BAZ1A: variants seen among roughly 807,000 people sequenced by gnomAD.
BAZ1A encodes the protein bromodomain adjacent to zinc finger domain 1A.
Under a neutral mutation model 185.2 loss-of-function variants are expected in BAZ1A, and 50 were observed. That is an observed-to-expected ratio of 0.27 (90% CI 0.22 to 0.34). The LOEUF (loss-of-function observed/expected upper bound fraction) is 0.34. Among genes scored for constraint, BAZ1A ranks in the 10% least tolerant of loss-of-function variants. The pLI is 1.00. For missense variants in BAZ1A, 1,356 were observed against 1,839.9 expected (o/e 0.74, Z 4.81); for synonymous variants, 571 against 615.6 (o/e 0.93, Z 1.07).
chr14:34,822,632 A>G (rs9743598), intron 4 of BAZ1A, among the ~76,000 whole-genome samples: 1 of 152,132 alleles, frequency 6.6e-6, no homozygotes, highest in Admixed American at 6.5e-5. Context: ...GAAACAAAAA[A>G]CAAAAAATAA....
chr14:34,758,668 T>C, intron 25 of BAZ1A, 36 bp downstream of exon 25: 1 of 1,598,076 alleles, frequency 6.3e-7, no homozygotes, highest in South Asian at 1.1e-5. Flanking sequence ...AATCAGATAA[T>C]ATACAGGAAT....
intron 14 of BAZ1A, among the ~76,000 whole-genome samples, chr14:34,784,300 G>A (rs564501305): frequency 4.9e-5 from 7 of 142,576 alleles, no homozygotes; most frequent in African/African-American, 1.6e-4. Context: ...CCCGGGAGGC[G>A]GAGGTTGCGT....
Position 34,783,233 on chromosome 14 carries a change from C to G in BAZ1A, c.1998-1G>C. ...TTTTTCTTCCTTCCTTTTACGAATT[C>G]TAAAAGTTAAAATGAAATATGGTAG... On this transcript the variant is annotated splice_acceptor_variant, in intron 15 of 26. Coordinates refer to ENST00000360310, the MANE Select transcript of BAZ1A (RefSeq NM_013448.3). LOFTEE classifies it high-confidence loss of function. The G allele has an allele frequency of 6.4e-7, 1 of 1,560,502 alleles. No homozygotes were observed. Among genetic ancestry groups the G allele is most frequent in the Non-Finnish European group, 8.8e-7 (1 of 1,137,144 alleles).
intron 11 of BAZ1A, among the ~76,000 whole-genome samples, chr14:34,793,398 GCACTGTTTAGACCTCCTTGATCT>G (rs2138635978): frequency 6.6e-6 from 1 of 152,288 alleles, no homozygotes; most frequent in African/African-American, 2.4e-5. Context: ...ACCTAAACCA[GCACTGTTTAGACCTCCTTGATCT>G]ATAAGACACA....
intron 14 of BAZ1A, among the ~76,000 whole-genome samples, chr14:34,785,215 A>G (rs1407490666): frequency 1.3e-5 from 2 of 152,218 alleles, no homozygotes; most frequent in Non-Finnish European, 2.9e-5. Flanking sequence ...AATTATAATC[A>G]CATGAATTAA....
intron 3 of BAZ1A, among the ~76,000 whole-genome samples, chr14:34,853,169 G>A (rs1401850729): frequency 6.6e-6 from 1 of 152,156 alleles, no homozygotes; most frequent in African/African-American, 2.4e-5. Flanking sequence ...TTTAAGAACA[G>A]ACTCAACTTC....
chr14:34,824,953 G>A (rs186060016), intron 4 of BAZ1A, among the ~76,000 whole-genome samples: 11 of 152,310 alleles, frequency 7.2e-5, no homozygotes, highest in Admixed American at 5.9e-4. Context: ...AGAGGTTGCT[G>A]AGCTAAAACA....
intron 7 of BAZ1A, among the ~76,000 whole-genome samples, chr14:34,802,180 T>C (rs1449761284): frequency 6.6e-6 from 1 of 152,198 alleles, no homozygotes; most frequent in Non-Finnish European, 1.5e-5. Context: ...TTATTTTATT[T>C]CTTCTAAGAA....
At chr14:34,785,484 A>T (rs1185192489) in intron 14 of BAZ1A, among the ~76,000 whole-genome samples, 1 of 152,198 alleles carries the variant, frequency 6.6e-6, no homozygotes, top group African/African-American at 2.4e-5. Context: ...AGCCATTTAG[A>T]TTTAAACTTC....
chr14:34,778,839 G>A (rs1879841943), intron 17 of BAZ1A, among the ~76,000 whole-genome samples: 1 of 152,076 alleles, frequency 6.6e-6, no homozygotes, highest in Admixed American at 6.6e-5. Flanking sequence ...TGGATTTGTT[G>A]TTGTTCTTTA....
At chr14:34,754,425 A>G (rs562776262) in intron 26 of BAZ1A, among the ~76,000 whole-genome samples, 11 of 150,194 alleles carry the variant, frequency 7.3e-5, no homozygotes, top group Middle Eastern at 3.4e-3. Context: ...CTCAAAAAAA[A>G]AAAAAAAGAA....
chr14:34,869,338 A>T (rs771536684), intron 2 of BAZ1A, among the ~76,000 whole-genome samples: 14 of 152,220 alleles, frequency 9.2e-5, no homozygotes, highest in Non-Finnish European at 2.1e-4. Flanking sequence ...GTGCAGAGAG[A>T]TCCTAGAAGA....
At chr14:34,868,341 G>C (rs1317152949) in intron 2 of BAZ1A, among the ~76,000 whole-genome samples, 1 of 152,178 alleles carries the variant, frequency 6.6e-6, no homozygotes, top group Non-Finnish European at 1.5e-5. Flanking sequence ...ATAAGGAAAA[G>C]TTGCTGAGTT....
At chr14:34,824,439 T>C (rs976041589) in intron 4 of BAZ1A, among the ~76,000 whole-genome samples, 3 of 110,466 alleles carry the variant, frequency 2.7e-5, no homozygotes, top group Non-Finnish European at 5.6e-5. Context: ...AAGAGATGTA[T>C]CAAAAGACTT....
intron 5 of BAZ1A, among the ~76,000 whole-genome samples, chr14:34,810,056 A>G (rs1263531218): frequency 1.3e-5 from 2 of 152,244 alleles, no homozygotes; most frequent in Admixed American, 6.5e-5. Context: ...ACAGCCACAG[A>G]AAGTGATATA....
chr14:34,824,071 G>A (rs1336543631), intron 4 of BAZ1A, among the ~76,000 whole-genome samples: 1 of 151,560 alleles, frequency 6.6e-6, no homozygotes, highest in Non-Finnish European at 1.5e-5. Flanking sequence ...TTATTTTTCT[G>A]GTTAATAGTA....
In BAZ1A at chr14:34,874,635, C is replaced by T. The variant is rs755790859; in HGVS notation, c.-31G>A. On this transcript the variant is annotated 5_prime_UTR_variant, in exon 2 of 27. Transcript: ENST00000360310. The surrounding 1 kb of genome is among the most constrained non-coding windows in gnomAD (Gnocchi z 4.7). ...GTCCGCCCGCGGGCTCGCCTGGACC[C>T]TCGGCCGCCCGCGCCGGCCCCGCTT... 1 of 1,554,384 alleles carries T rather than the reference C, an allele frequency of 6.4e-7. No individual in the cohort carries two copies. Among genetic ancestry groups the T allele is most frequent in the South Asian group, 1.1e-5 (1 of 88,454 alleles).
chr14:34,760,937 G>T (rs1886495271), intron 24 of BAZ1A, among the ~76,000 whole-genome samples: 1 of 152,158 alleles, frequency 6.6e-6, no homozygotes, highest in African/African-American at 2.4e-5. Context: ...TATGAATAAA[G>T]AAATTAGTCT....
intron 17 of BAZ1A, among the ~76,000 whole-genome samples, chr14:34,778,444 C>T (rs900587392): frequency 6.6e-6 from 1 of 152,110 alleles, no homozygotes. Context: ...CGTTCTATTT[C>T]TTTTGCTTGA....
Sources: allele counts gnomAD v4.1 joint callset (sites outside exome capture counted in the v4.1 genomes callset), GRCh38; gene constraint gnomAD v4.1.1; non-coding constraint Gnocchi (gnomAD v3.1); transcripts MANE v1.5; gene names NCBI Gene and HGNC (gene_info 2026-07-23, HGNC 2026-07-21).